Variants in BAG3 observed in about 807,000 individuals in gnomAD.
BAG3 encodes BAG cochaperone 3.
Under a neutral mutation model 40.5 loss-of-function variants are expected in BAG3, and 14 were observed. That is an observed-to-expected ratio of 0.35 (90% CI 0.23 to 0.54). BAG3 has a LOEUF of 0.54. Among genes scored for constraint, BAG3 ranks in the 20% least tolerant of loss-of-function variants. The pLI, the probability that BAG3 is intolerant of heterozygous loss-of-function variation, is 0.91. For synonymous variants in BAG3, 302 were observed against 307.8 expected, an observed-to-expected ratio of 0.98 and a Z score of 0.20; for missense variants, 788 against 758.6, an observed-to-expected ratio of 1.04 and a Z score of -0.46.
At position 119,677,213 on chromosome 10, in the gene BAG3, A is replaced by T. The variant is rs763530097; in HGVS notation, c.1659A>T (p.Glu553Asp). 281 of 1,614,156 alleles carry T rather than the reference A, an allele frequency of 1.7e-4. 1 individual carries two copies. In the East Asian group the frequency reaches 6.2e-3, roughly 36 times the overall value. ...EDPHTETQQP[E>D]ATAAATSNPS... ...CCCACACAGAAACCCAGCAGCCAGA[A>T]GCCACAGCAGCAGCGACTTCAAACC... Residue 553 changes from glutamate to aspartate, a missense_variant, in exon 4 of 4, where the codon GAA (glutamate) becomes GAT (aspartate). Transcript: ENST00000369085.
chr10:119,657,596 T>TC (rs1437743561), intron 1 of BAG3: 2 of 471,056 alleles, frequency 4.2e-6, no homozygotes, highest in Admixed American at 4.7e-5. Flanking sequence ...TTCCATTGGT[T>TC]CCTAAGAACT....
chr10:119,672,559 A>G lies in BAG3; in HGVS notation c.812A>G (p.Gln271Arg). Residue 271 changes from glutamine (Q) to arginine (R), a missense_variant, in exon 3 of 4, where the codon CAG (glutamine) becomes CGG (arginine). By Grantham distance (43) the Gln-to-Arg change is conservative. Coordinates refer to ENST00000369085, the MANE Select transcript of BAG3 (RefSeq NM_004281.4). The surrounding 1 kb of genome is among the most constrained non-coding windows in gnomAD (Gnocchi z 4.8). ...GCATCCCCGTTCAGGTCATCTGTCC[A>G]GGGTGCATCGAGCCGGGAGGGCTCA... ...RAASPFRSSV[Q>R]GASSREGSPA... The G allele has an allele frequency of 1.2e-6, 2 of 1,614,088 alleles. No homozygotes were observed. Among genetic ancestry groups the G allele is most frequent in the Non-Finnish European group, 1.7e-6 (2 of 1,180,012 alleles).
intron 1 of BAG3, among the ~76,000 whole-genome samples, chr10:119,665,443 T>C (rs969364733): frequency 1.1e-4 from 17 of 151,756 alleles, no homozygotes; most frequent in African/African-American, 4.1e-4. Context: ...CCCAGCCTAA[T>C]TTTTGTATTT....
intron 1 of BAG3, 72 bp from the exon 2 acceptor site, chr10:119,669,778 CA>C (rs1847117678): frequency 6.9e-7 from 1 of 1,444,146 alleles, no homozygotes; most frequent in East Asian, 2.3e-5. Context: ...CCAAGCGCCA[CA>C]GTGTTTCCTC....
At chr10:119,675,078 T>C (rs1313617234) in intron 3 of BAG3, among the ~76,000 whole-genome samples, 2 of 152,172 alleles carry the variant, frequency 1.3e-5, no homozygotes, top group African/African-American at 4.8e-5. Flanking sequence ...ACACCTATAA[T>C]CCTAGCACTT....
intron 1 of BAG3, among the ~76,000 whole-genome samples, chr10:119,665,140 A>ATTTTTTT (rs1491344342): frequency 1.7e-4 from 14 of 84,366 alleles, no homozygotes; most frequent in Admixed American, 8.1e-4. Context: ...ATATATATAT[A>ATTTTTTT]TATATTTTTT....
chr10:119,666,947 A>G (rs1031163756), intron 1 of BAG3, among the ~76,000 whole-genome samples: 4 of 152,114 alleles, frequency 2.6e-5, no homozygotes, highest in African/African-American at 9.7e-5. Flanking sequence ...GGTTTCTAGC[A>G]CCATCGATTC....
chr10:119,677,240 C>T lies in BAG3; in HGVS notation c.1686C>T (p.Pro562=). ...CCACAGCAGCAGCGACTTCAAACCCCAGCAGCATGACAGACACCCCTGGTA... is the reference window on the plus strand; with the variant it reads ...CCACAGCAGCAGCGACTTCAAACCCTAGCAGCATGACAGACACCCCTGGTA... ...PEATAAATSN[P]SSMTDTPGNP... Residue 562 remains proline (P), a synonymous_variant, in exon 4 of 4, where the codon CCC becomes CCT. Transcript: ENST00000369085. The T allele has an allele frequency of 6.2e-7, 1 of 1,614,150 alleles. No homozygotes were observed. The highest frequency in any genetic ancestry group is 8.5e-7 in the Non-Finnish European group (1 of 1,180,038).
At position 119,676,555 on chromosome 10, in the gene BAG3, C is replaced by T. The variant is rs1847237171; in HGVS notation, c.1001C>T (p.Pro334Leu). The change falls in exon 4 of 4, where the codon CCT becomes CTT. Residue 334 changes from proline to leucine, a missense_variant. Transcript: ENST00000369085. Reference sequence around the variant, plus strand: ...GGCCCAGTTGGACCAGAACTCCCTCCTGGACACATCCCAATTCAAGTGATC... The same window carrying T: ...GGCCCAGTTGGACCAGAACTCCCTCTTGGACACATCCCAATTCAAGTGATC... ...KPGPVGPELP[P>L]GHIPIQVIRK... 6.2e-7 allele frequency: 1 copy of T among 1,614,104 alleles called. No homozygotes were observed.
At position 119,677,367 on chromosome 10, in the gene BAG3, GTT is replaced by G; in HGVS notation, c.*86_*87del. The G allele has an allele frequency of 6.4e-6, 10 of 1,565,116 alleles. 1 individual carries two copies. In the South Asian group the frequency reaches 1.0e-4, roughly 16 times the overall value. On this transcript the variant is annotated 3_prime_UTR_variant, in exon 4 of 4. Coordinates refer to ENST00000369085, the MANE Select transcript of BAG3 (RefSeq NM_004281.4). The stretch of plus-strand genomic sequence containing the variant: ...CATGCATTTCAGAGACTTTAAGTCA[GTT>G]GGTTTTTATTAGCTGCTTGGTATGC...
In BAG3 at chr10:119,654,379, G is replaced by A. The variant is rs546134989; in HGVS notation, c.180+2524G>A. Reference sequence around the variant, plus strand: ...CTCAAGAGACGACCTCTCTTTTGGGGGAGGACTCAGCTTCAGGATGTTTAA... The same window carrying A: ...CTCAAGAGACGACCTCTCTTTTGGGAGAGGACTCAGCTTCAGGATGTTTAA... On this transcript the variant is annotated intron_variant, in intron 1 of 3. Coordinates refer to ENST00000369085, the MANE Select transcript of BAG3 (RefSeq NM_004281.4). 4.6e-5 allele frequency among the ~76,000 whole-genome samples: 7 copies of A among 152,266 alleles called. No individual in the cohort carries two copies. In the East Asian group the frequency reaches 1.3e-3, roughly 29 times the overall value.
chr10:119,653,279 G>A (rs1049378246), intron 1 of BAG3, among the ~76,000 whole-genome samples: 1 of 152,188 alleles, frequency 6.6e-6, no homozygotes, highest in Non-Finnish European at 1.5e-5. Context: ...TTGTGTGTCT[G>A]TTCCACCCAT....
intron 2 of BAG3, among the ~76,000 whole-genome samples, 184 bp downstream of exon 2, chr10:119,670,361 AG>A (rs1315861055): frequency 6.6e-6 from 1 of 152,212 alleles, no homozygotes; most frequent in Non-Finnish European, 1.5e-5. Context: ...ATCATCCCCC[AG>A]CATCTCATAG....
At chr10:119,675,918 T>C (rs1488957841) in intron 3 of BAG3, among the ~76,000 whole-genome samples, 6 of 15,832 alleles carry the variant, frequency 3.8e-4, no homozygotes, top group Non-Finnish European at 7.7e-4. Flanking sequence ...CCTTCCTTCC[T>C]TCCTCCCTCC....
At position 119,661,192 on chromosome 10, in the gene BAG3, G is replaced by A. The variant is rs533538893; in HGVS notation, c.181-8659G>A. ...TGAGAATTGCTTGAACTCGGGAGGCGGAGGTTGCAGTGAGCTGAGATTGTG... is the reference window on the plus strand; with the variant it reads ...TGAGAATTGCTTGAACTCGGGAGGCAGAGGTTGCAGTGAGCTGAGATTGTG... On this transcript the variant is annotated intron_variant, in intron 1 of 3. Coordinates refer to ENST00000369085, the MANE Select transcript of BAG3 (RefSeq NM_004281.4). 5.3e-5 allele frequency among the ~76,000 whole-genome samples: 8 copies of A among 152,254 alleles called. 1 individual carries two copies. The East Asian group carries it at 1.3e-3, about 26-fold the overall frequency.
chr10:119,655,117 C>T (rs569815088), intron 1 of BAG3, among the ~76,000 whole-genome samples: 93 of 152,320 alleles, frequency 6.1e-4, no homozygotes, highest in Non-Finnish European at 9.1e-4. Flanking sequence ...GGAGGAGCTG[C>T]GGCTTAGTGC....
intron 1 of BAG3, 92 bp from the exon 2 acceptor site, chr10:119,669,759 A>G (rs1847117103): frequency 1.5e-6 from 2 of 1,323,916 alleles, no homozygotes; most frequent in Non-Finnish European, 2.2e-6. Flanking sequence ...ACTCGGGAAG[A>G]TCACAATGCC....
rs550015388 is a variant in BAG3 at position 119,676,367 on chromosome 10, C to T, written c.910-97C>T. 2.8e-4 allele frequency: 364 copies of T among 1,316,900 alleles called. 7 individuals are homozygous for T. In the South Asian group the frequency reaches 3.0e-3, roughly 11 times the overall value. The allele number at this position is 1,316,900 out of a possible 1,614,324, so 81.6% of individuals were successfully genotyped here. On this transcript the variant is annotated intron_variant, in intron 3 of 3. Coordinates refer to ENST00000369085, the MANE Select transcript of BAG3 (RefSeq NM_004281.4). ...ATACTATTAAACTTTTTTTAAAAAG[C>T]CATTTCTCAGTTTTCTTTCTAATCT...
intron 1 of BAG3, among the ~76,000 whole-genome samples, chr10:119,652,413 G>A (rs922058336): frequency 1.3e-4 from 20 of 152,362 alleles, no homozygotes; most frequent in African/African-American, 4.3e-4. Flanking sequence ...GGCACCCAAT[G>A]ACTCTGGAGG....
Sources: gnomAD v4.1 joint callset for allele counts (sites outside exome capture counted in the v4.1 genomes callset) on GRCh38, gnomAD v4.1.1 for gene constraint, Gnocchi (gnomAD v3.1) non-coding constraint, MANE v1.5 for transcripts, NCBI Gene and HGNC (gene_info 2026-07-23, HGNC 2026-07-21) for gene names.